Variants in NRG3 observed in about 807,000 individuals in gnomAD.
NRG3 encodes the protein pro-neuregulin-3, membrane-bound isoform.
A neutral mutation model predicts 66.9 loss-of-function variants in NRG3; 31 were observed. That is an observed-to-expected ratio of 0.46 (90% CI 0.35 to 0.63). The LOEUF is 0.63. NRG3 is among the 20% of genes least tolerant of loss of function. NRG3 has a pLI of 0.00. For synonymous variants in NRG3, 393 were observed against 359.4 expected (o/e 1.09, Z -1.06); for missense variants, 910 against 878.9 (o/e 1.04, Z -0.45).
chr10:82,455,186 T>G (rs2091214089), intron 2 of NRG3, among the ~76,000 whole-genome samples: 1 of 152,212 alleles, frequency 6.6e-6, no homozygotes, highest in African/African-American at 2.4e-5. Context: ...TCAGATAATA[T>G]ATAGTCATAC....
chr10:82,940,767 T>C (rs534845605), intron 4 of NRG3, among the ~76,000 whole-genome samples: 1 of 152,168 alleles, frequency 6.6e-6, no homozygotes, highest in South Asian at 2.1e-4. Flanking sequence ...GTTTATTTTA[T>C]AAGAGCAGTA....
At chr10:81,940,855 C>T (rs1436746355) in intron 1 of NRG3, among the ~76,000 whole-genome samples, 8 of 151,880 alleles carry the variant, frequency 5.3e-5, no homozygotes, top group Non-Finnish European at 7.4e-5. Flanking sequence ...TTTAAGGTAC[C>T]GAATGTATAT....
At chr10:82,079,075 T>A (rs2065245671) in intron 1 of NRG3, among the ~76,000 whole-genome samples, 1 of 150,668 alleles carries the variant, frequency 6.6e-6, no homozygotes, top group Non-Finnish European at 1.5e-5. Flanking sequence ...TATTTTTTAT[T>A]TTTTTTTTTG....
intron 7 of NRG3, 60 bp from the exon 8 acceptor site, chr10:82,978,890 A>T (rs1051036702): frequency 4.1e-5 from 64 of 1,546,426 alleles, no homozygotes; most frequent in Admixed American, 1.5e-4. Context: ...GCCACCTGTG[A>T]GGTTATTGCT....
At chr10:82,794,736 A>T (rs2060724582) in intron 3 of NRG3, among the ~76,000 whole-genome samples, 1 of 152,108 alleles carries the variant, frequency 6.6e-6, no homozygotes, top group South Asian at 2.1e-4. Flanking sequence ...GGGCTTAGAG[A>T]TGAATTTTAA....
chr10:81,918,992 C>CACACACACACACAT (rs750729271), intron 1 of NRG3, among the ~76,000 whole-genome samples: 14 of 147,978 alleles, frequency 9.5e-5, no homozygotes, highest in African/African-American at 3.7e-4. Context: ...CACACACACA[C>CACACACACACACAT]ACATACATAC....
chr10:82,228,963 T>G (rs1764092), intron 1 of NRG3: 15,828 of 152,244 alleles, frequency 0.1, 894 homozygotes, highest in Middle Eastern at 0.18. Context: ...GAAGCAAGCT[T>G]CAAGGGAAAC....
intron 1 of NRG3, among the ~76,000 whole-genome samples, chr10:82,028,512 A>T (rs1003578229): frequency 6.6e-6 from 1 of 152,076 alleles, no homozygotes; most frequent in Non-Finnish European, 1.5e-5. Context: ...CATATGAGGT[A>T]CTTAGTAGTT....
intron 2 of NRG3, among the ~76,000 whole-genome samples, chr10:82,390,437 G>T (rs955516845): frequency 3.9e-5 from 6 of 152,134 alleles, no homozygotes; most frequent in African/African-American, 9.7e-5. Context: ...GGAAATTTGA[G>T]TAAATCTTGA....
chr10:82,270,693 G>A (rs1485527231), intron 1 of NRG3, among the ~76,000 whole-genome samples: 1 of 152,046 alleles, frequency 6.6e-6, no homozygotes, highest in Non-Finnish European at 1.5e-5. Context: ...CTGATTGATG[G>A]TAGCTGCTTA....
rs150538012 is a variant in NRG3, at chr10:82,826,723, G to A, written c.1028-38688G>A. Among the ~76,000 whole-genome samples, 381 of 152,130 alleles carry A rather than the reference G, an allele frequency of 2.5e-3. 6 individuals are homozygous for A. Among genetic ancestry groups the A allele is most frequent in the African/African-American group, 8.4e-3 (350 of 41,494 alleles). On this transcript the variant is annotated intron_variant, in intron 3 of 8. Coordinates refer to ENST00000372141, the MANE Select transcript of NRG3 (RefSeq NM_001010848.4). ...AGCTAAGTACTGAGTGCACATGGAC[G>A]CAAAGATGGGAACAACAGACACTGG...
At chr10:82,430,548 C>T (rs573318977) in intron 2 of NRG3, among the ~76,000 whole-genome samples, 21 of 152,276 alleles carry the variant, frequency 1.4e-4, no homozygotes, top group African/African-American at 3.6e-4. Context: ...TGAGCCACCA[C>T]GCCCGACCAT....
At chr10:82,869,607 TTTTATTTTATTTTA>T (rs1841099868) in intron 4 of NRG3, among the ~76,000 whole-genome samples, 1 of 148,086 alleles carries the variant, frequency 6.8e-6, no homozygotes, top group Non-Finnish European at 1.5e-5. Context: ...TTTTATTTTA[TTTTATTTTATTTTA>T]TTTTGAGACA....
At chr10:82,233,461 T>C (rs148794211) in intron 1 of NRG3, among the ~76,000 whole-genome samples, 83 of 152,318 alleles carry the variant, frequency 5.4e-4, no homozygotes, top group Admixed American at 2.0e-3. Context: ...TATCAAAACA[T>C]CACAAGGTAC....
intron 3 of NRG3, among the ~76,000 whole-genome samples, chr10:82,753,856 A>C (rs1591415422): frequency 6.6e-6 from 1 of 151,812 alleles, no homozygotes; most frequent in African/African-American, 2.4e-5. Flanking sequence ...TTGAGGCAGG[A>C]GAATTGCTTG....
At chr10:82,786,089 G>A (rs1192166280) in intron 3 of NRG3, among the ~76,000 whole-genome samples, 1 of 152,138 alleles carries the variant, frequency 6.6e-6, no homozygotes, top group Non-Finnish European at 1.5e-5. Context: ...GTCCAGCAGA[G>A]CCATAGGAGT....
intron 2 of NRG3, among the ~76,000 whole-genome samples, chr10:82,668,406 G>T (rs1166357884): frequency 3.9e-5 from 6 of 152,116 alleles, no homozygotes; most frequent in Non-Finnish European, 7.3e-5. Context: ...TGTAACCAAT[G>T]AGATTTCCAC....
At chr10:82,636,809 G>T (rs1413593474) in intron 2 of NRG3, among the ~76,000 whole-genome samples, 2 of 150,680 alleles carry the variant, frequency 1.3e-5, no homozygotes, top group Non-Finnish European at 3.0e-5. Context: ...TTAATCTCTT[G>T]TGGGCTGTGT....
At chr10:82,067,101 T>A (rs537452036) in intron 1 of NRG3, among the ~76,000 whole-genome samples, 7 of 152,278 alleles carry the variant, frequency 4.6e-5, no homozygotes, top group Admixed American at 1.3e-4. Flanking sequence ...TGATTTTTTT[T>A]AAAAAATGGC....
Sources: allele counts gnomAD v4.1 joint callset (sites outside exome capture counted in the v4.1 genomes callset), GRCh38; gene constraint gnomAD v4.1.1; transcripts MANE v1.5; gene names NCBI Gene and HGNC (gene_info 2026-07-23, HGNC 2026-07-21).